Variants in PAIP2B observed in about 807,000 individuals in gnomAD.
PAIP2B encodes the protein poly(A) binding protein interacting protein 2B.
PAIP2B carries 13 observed loss-of-function variants against 17.0 expected under a neutral mutation model. That is an observed-to-expected ratio of 0.76 (90% confidence interval 0.50 to 1.22). PAIP2B has a LOEUF of 1.22. Among genes scored for constraint, PAIP2B ranks in the 50% most tolerant of loss-of-function variants. The pLI, the probability that PAIP2B is intolerant of heterozygous loss-of-function variation, is 0.00. For missense variants in PAIP2B, 117 were observed against 144.5 expected (o/e 0.81, Z 0.98); for synonymous variants, 43 against 48.7 (o/e 0.88, Z 0.48).
intron 3 of PAIP2B, among the ~76,000 whole-genome samples, chr2:71,189,428 C>T (rs552397177): frequency 2.0e-5 from 3 of 152,292 alleles, no homozygotes; most frequent in African/African-American, 7.2e-5. Context: ...CCAAAATGAA[C>T]AGCTAATTTT....
rs774422067 is a variant in PAIP2B, at chr2:71,189,922, G to A, written c.238C>T (p.Pro80Ser). ...QDWFIPSRDL[P>S]QAMGQLQQQL... ...TGTTGCAACTGTCCCATGGCCTGAGGCAGGTCTCGTGAGGGAATAAACCAG... is the reference window on the plus strand; with the variant it reads ...TGTTGCAACTGTCCCATGGCCTGAGACAGGTCTCGTGAGGGAATAAACCAG... Residue 80 changes from proline to serine, a missense_variant, in exon 3 of 4, where the codon CCT becomes TCT. Pro to Ser is a moderately conservative substitution (Grantham distance 74, BLOSUM62 -1). Coordinates refer to ENST00000244221, the MANE Select transcript of PAIP2B (RefSeq NM_020459.1). The A allele has an allele frequency of 1.3e-5, 21 of 1,598,584 alleles. No individual in the cohort carries two copies. In the Admixed American group the frequency reaches 3.5e-4, roughly 26 times the overall value.
At chr2:71,221,369 C>T (rs534194209) in intron 1 of PAIP2B, among the ~76,000 whole-genome samples, 1 of 152,332 alleles carries the variant, frequency 6.6e-6, no homozygotes, top group South Asian at 2.1e-4. Context: ...GGAAAGCATT[C>T]CTACTCACCC....
chr2:71,219,798 T>C (rs1675531406), intron 1 of PAIP2B, among the ~76,000 whole-genome samples: 1 of 152,206 alleles, frequency 6.6e-6, no homozygotes, highest in Non-Finnish European at 1.5e-5. Context: ...AGTCCTATTC[T>C]CCCTCCACAG....
At chr2:71,213,742 C>A (rs1675361866) in intron 1 of PAIP2B, among the ~76,000 whole-genome samples, 1 of 152,018 alleles carries the variant, frequency 6.6e-6, no homozygotes, top group African/African-American at 2.4e-5. Flanking sequence ...GGAATTATGT[C>A]CCAATTTATG....
chr2:71,218,568 G>T (rs2103822137), intron 1 of PAIP2B, among the ~76,000 whole-genome samples: 1 of 152,222 alleles, frequency 6.6e-6, no homozygotes, highest in East Asian at 1.9e-4. Context: ...TTTCCTGCAG[G>T]ATAATTTGAA....
intron 1 of PAIP2B, among the ~76,000 whole-genome samples, chr2:71,211,309 T>C (rs954512396): frequency 6.6e-6 from 1 of 152,000 alleles, no homozygotes; most frequent in Non-Finnish European, 1.5e-5. Flanking sequence ...TCTATTCTAA[T>C]TGAGCGGTTT....
intron 1 of PAIP2B, among the ~76,000 whole-genome samples, chr2:71,220,177 G>A (rs929517419): frequency 6.6e-6 from 1 of 152,132 alleles, no homozygotes; most frequent in Non-Finnish European, 1.5e-5. Context: ...TGCCTCTCAT[G>A]AGGCCTCTAT....
chr2:71,221,449 T>C (rs1277642548), intron 1 of PAIP2B, among the ~76,000 whole-genome samples: 1 of 152,028 alleles, frequency 6.6e-6, no homozygotes, highest in African/African-American at 2.4e-5. Context: ...TCAGGAAGAG[T>C]TCAGAATTTC....
chr2:71,213,924 T>C (rs567458679), intron 1 of PAIP2B, among the ~76,000 whole-genome samples: 1 of 152,296 alleles, frequency 6.6e-6, no homozygotes, highest in Non-Finnish European at 1.5e-5. Flanking sequence ...AGTCTCTCTT[T>C]TAATCTTCAT....
rs1251550388 is a variant in PAIP2B at position 71,185,280 on chromosome 2, T to A, written c.*3199A>T. The A allele has an allele frequency of 6.6e-6, 1 of 151,852 alleles. No homozygotes were observed. Among genetic ancestry groups the A allele is most frequent in the Non-Finnish European group, 1.5e-5 (1 of 67,910 alleles). 9.4% of individuals were successfully genotyped at this position (151,852 alleles called of 1,614,324 possible). A position where few individuals can be genotyped will look rare whatever the true frequency, so the allele number is the denominator to read the frequency against. ...TAATTAAAGAGACCCCAGGCTGGGG[T>A]GGCTCACCACACCCAGCCTATAATC... On this transcript the variant is annotated 3_prime_UTR_variant, in exon 4 of 4. Coordinates refer to ENST00000244221, the MANE Select transcript of PAIP2B (RefSeq NM_020459.1).
chr2:71,206,141 T>C (rs1675122370), intron 1 of PAIP2B, among the ~76,000 whole-genome samples: 1 of 152,200 alleles, frequency 6.6e-6, no homozygotes, highest in Non-Finnish European at 1.5e-5. Context: ...ATACAGGTAT[T>C]CAATAAACAC....
chr2:71,203,515 T>C (rs1226386851), intron 1 of PAIP2B, among the ~76,000 whole-genome samples: 1 of 152,066 alleles, frequency 6.6e-6, no homozygotes, highest in Non-Finnish European at 1.5e-5. Context: ...AGTACTATCA[T>C]TTTCTAAACC....
At chr2:71,226,655 G>T (rs1162320449) in intron 1 of PAIP2B, among the ~76,000 whole-genome samples, 1 of 152,144 alleles carries the variant, frequency 6.6e-6, no homozygotes, top group African/African-American at 2.4e-5. Flanking sequence ...GTGGGAGTCG[G>T]GGGGAAACAG....
chr2:71,199,884 G>A (rs980220683), intron 2 of PAIP2B, among the ~76,000 whole-genome samples: 1 of 152,140 alleles, frequency 6.6e-6, no homozygotes, highest in Non-Finnish European at 1.5e-5. Context: ...ATGTGTGTGG[G>A]TGTTGGAGGA....
chr2:71,220,563 G>T (rs1675557375), intron 1 of PAIP2B, among the ~76,000 whole-genome samples: 2 of 152,196 alleles, frequency 1.3e-5, no homozygotes, highest in Non-Finnish European at 2.9e-5. Context: ...GTTTAAAAAT[G>T]TTAACTCAAA....
chr2:71,202,761 C>T (rs357761), intron 1 of PAIP2B, among the ~76,000 whole-genome samples, 161 bp from the exon 2 acceptor site: 114,719 of 152,100 alleles, frequency 0.75, 43,706 homozygotes, highest in East Asian at 1. Flanking sequence ...AAACCATCCA[C>T]ATCCTGCAGT....
At chr2:71,193,669 C>T (rs187069455) in intron 2 of PAIP2B, among the ~76,000 whole-genome samples, 35 of 152,128 alleles carry the variant, frequency 2.3e-4, no homozygotes, top group African/African-American at 7.0e-4. Flanking sequence ...CTGGCTAACA[C>T]GGTGAAACCC....
chr2:71,224,257 A>T (rs1026481183), intron 1 of PAIP2B, among the ~76,000 whole-genome samples: 9 of 152,076 alleles, frequency 5.9e-5, no homozygotes, highest in African/African-American at 2.2e-4. Context: ...TACTTCCTTT[A>T]TTTTTTGTAA....
chr2:71,216,956 C>T (rs1675444150), intron 1 of PAIP2B, among the ~76,000 whole-genome samples: 2 of 152,142 alleles, frequency 1.3e-5, no homozygotes, highest in South Asian at 4.1e-4. Flanking sequence ...TTACAGGTGT[C>T]AGTTCTCATC....
Sources: gnomAD v4.1 joint callset for allele counts (sites outside exome capture counted in the v4.1 genomes callset) on GRCh38, gnomAD v4.1.1 for gene constraint, MANE v1.5 for transcripts, NCBI Gene and HGNC (gene_info 2026-07-23, HGNC 2026-07-21) for gene names.